Variants in KIAA0586 observed in about 807,000 individuals in gnomAD.
KIAA0586 encodes the protein KIAA0586, also known as protein TALPID3.
Under a neutral mutation model 169.8 loss-of-function variants are expected in KIAA0586, and 144 were observed. That is an observed-to-expected ratio of 0.85 (90% CI 0.74 to 0.97). The LOEUF (loss-of-function observed/expected upper bound fraction) is 0.97, where lower values mean the gene tolerates loss of function less well. Ranked by LOEUF, KIAA0586 falls within the 50% of genes least tolerant of loss-of-function variation. The probability of loss-of-function intolerance (pLI) is 0.00; values close to 1 mark genes in which losing one functional copy is unlikely to be tolerated. For missense variants in KIAA0586, 1,854 were observed against 1,823.0 expected (o/e 1.02, Z -0.31); for synonymous variants, 625 against 612.4 (o/e 1.02, Z -0.30).
chr14:58,507,231 T>C (rs188064089), intron 27 of KIAA0586, among the ~76,000 whole-genome samples: 4 of 90,522 alleles, frequency 4.4e-5, no homozygotes, highest in African/African-American at 1.6e-4. Context: ...AAATCATCTA[T>C]ATGTATGATT....
chr14:58,500,290 T>C (rs139737563), intron 27 of KIAA0586, among the ~76,000 whole-genome samples: 1 of 152,358 alleles, frequency 6.6e-6, no homozygotes, highest in African/African-American at 2.4e-5. Flanking sequence ...ATATATATTT[T>C]GGATTCATTA....
chr14:58,531,985 T>G (rs2045999145), intron 29 of KIAA0586, among the ~76,000 whole-genome samples: 1 of 150,488 alleles, frequency 6.6e-6, no homozygotes, highest in African/African-American at 2.5e-5. Flanking sequence ...AGTTGAACAA[T>G]GAGAACACTT....
chr14:58,547,725 G>A (rs1354789333), intron 30 of KIAA0586, 56 bp from the exon 31 acceptor site: 5 of 1,256,094 alleles, frequency 4.0e-6, no homozygotes, highest in Admixed American at 1.8e-5. Flanking sequence ...AAAGCATAAA[G>A]CACGTAAATA....
intron 29 of KIAA0586, among the ~76,000 whole-genome samples, chr14:58,534,574 GC>G (rs1268991841): frequency 6.6e-6 from 1 of 152,084 alleles, no homozygotes; most frequent in Non-Finnish European, 1.5e-5. Flanking sequence ...TAGATAGTAA[GC>G]CCTGTGAGAG....
chr14:58,556,686 A>G, the KIAA0586 span, among the ~76,000 whole-genome samples: 4 of 152,018 alleles, frequency 2.6e-5, 1 homozygote. Context: ...TCTTTTTTCT[A>G]GTTTCTTTTG....
At chr14:58,446,451 T>C (rs2038909032) in intron 6 of KIAA0586, among the ~76,000 whole-genome samples, 1 of 151,870 alleles carries the variant, frequency 6.6e-6, no homozygotes, top group Non-Finnish European at 1.5e-5. Context: ...GAGTTGAGAT[T>C]GGGCCACTGT....
At chr14:58,498,228 G>A (rs1379463171) in intron 26 of KIAA0586, among the ~76,000 whole-genome samples, 1 of 151,384 alleles carries the variant, frequency 6.6e-6, no homozygotes, top group Non-Finnish European at 1.5e-5. Context: ...CCATGCTGGA[G>A]TACAGTCGTG....
chr14:58,502,137 T>A (rs2043612174), intron 27 of KIAA0586, among the ~76,000 whole-genome samples: 1 of 152,156 alleles, frequency 6.6e-6, no homozygotes, highest in Non-Finnish European at 1.5e-5. Context: ...AATGTCTTTT[T>A]TTTTTTCTTT....
chr14:58,490,137 T>C (rs1038513460), intron 24 of KIAA0586, 27 bp from the exon 25 acceptor site: 13 of 1,094,454 alleles, frequency 1.2e-5, no homozygotes, highest in African/African-American at 1.1e-4. Context: ...CTTTTTTTTT[T>C]CTAAACTTTT....
chr14:58,470,774 T>C (rs1216362816), intron 17 of KIAA0586, 51 bp downstream of exon 17: 1 of 819,690 alleles, frequency 1.2e-6, no homozygotes, highest in Non-Finnish European at 2.1e-6. Context: ...TGACTGTAGA[T>C]TTTAACTAAT....
At chr14:58,439,688 G>T (rs4143897) in intron 4 of KIAA0586, 1 of 192,248 alleles carries the variant, frequency 5.2e-6, no homozygotes, top group Non-Finnish European at 9.5e-6. Flanking sequence ...GGTATGAGAC[G>T]GTAAGCAAGT....
intron 25 of KIAA0586, among the ~76,000 whole-genome samples, chr14:58,491,568 A>G (rs2042835019): frequency 6.6e-6 from 1 of 152,212 alleles, no homozygotes; most frequent in Admixed American, 6.5e-5. Context: ...CATTGTTGGG[A>G]TGGGCCTATT....
At chr14:58,440,217 T>C in intron 4 of KIAA0586, 2 of 446,360 alleles carry the variant, frequency 4.5e-6, no homozygotes, top group South Asian at 3.1e-5. Context: ...TTTGTGAACA[T>C]TTTAATAAAC....
chr14:58,533,872 T>C (rs1191672360), intron 29 of KIAA0586, among the ~76,000 whole-genome samples: 1 of 152,206 alleles, frequency 6.6e-6, no homozygotes, highest in Non-Finnish European at 1.5e-5. Flanking sequence ...TTAAAGCTCT[T>C]ATTTTAGGAT....
intron 27 of KIAA0586, among the ~76,000 whole-genome samples, chr14:58,506,507 T>C (rs2043952047): frequency 1.3e-5 from 2 of 151,704 alleles, no homozygotes; most frequent in South Asian, 4.2e-4. Context: ...GCCAATATGG[T>C]GAAACGCTGC....
intron 26 of KIAA0586, 49 bp from the exon 27 acceptor site, chr14:58,498,734 G>A: frequency 1.3e-6 from 2 of 1,504,526 alleles, no homozygotes; most frequent in Non-Finnish European, 1.8e-6. Context: ...TTCCTGTTTT[G>A]ACTTGATTTT....
At chr14:58,449,970 A>G (rs938675257) in intron 7 of KIAA0586, among the ~76,000 whole-genome samples, 2 of 152,160 alleles carry the variant, frequency 1.3e-5, no homozygotes, top group Non-Finnish European at 2.9e-5. Context: ...TTGTAATTGT[A>G]GCATTTTATA....
intron 8 of KIAA0586, among the ~76,000 whole-genome samples, chr14:58,451,648 TAAC>T (rs1211719969): frequency 6.6e-6 from 1 of 152,166 alleles, no homozygotes; most frequent in East Asian, 1.9e-4. Flanking sequence ...TAGAGAAACT[TAAC>T]ATTCATCACC....
rs368483101 is a variant in KIAA0586, at chr14:58,487,744, A to T, written c.3305-143A>T. 135 of 609,936 alleles carry T rather than the reference A, an allele frequency of 2.2e-4. 1 individual carries two copies. The African/African-American group carries it at 2.4e-3, about 11-fold the overall frequency. The allele number at this position is 609,936 out of a possible 1,614,324, so 37.8% of individuals were successfully genotyped here. On this transcript the variant is annotated intron_variant, in intron 22 of 30. Coordinates refer to ENST00000652326, the MANE Select transcript of KIAA0586 (RefSeq NM_001329943.3). ...AATTATCACATTAATGGCTACCACC[A>T]TTGTCATTATTATTATTAATTATAA...
Sources: allele counts gnomAD v4.1 joint callset (sites outside exome capture counted in the v4.1 genomes callset), GRCh38; gene constraint gnomAD v4.1.1; transcripts MANE v1.5; gene names NCBI Gene and HGNC (gene_info 2026-07-23, HGNC 2026-07-21).